HIBCH: variants seen among roughly 807,000 people sequenced by gnomAD.
HIBCH encodes the protein 3-hydroxyisobutyryl-CoA hydrolase, mitochondrial.
HIBCH carries 50 observed loss-of-function variants against 58.2 expected under a neutral mutation model. The ratio of observed to expected loss-of-function variants is 0.86; its 90% CI spans 0.68 to 1.09. The LOEUF is 1.09. HIBCH is among the 50% of genes least tolerant of loss of function. The probability of loss-of-function intolerance (pLI) is 0.00; values close to 1 mark genes in which losing one functional copy is unlikely to be tolerated. For missense variants in HIBCH, 450 were observed against 449.7 expected (o/e 1.00, Z -0.01); for synonymous variants, 151 against 146.9 (o/e 1.03, Z -0.20).
intron 5 of HIBCH, 45 bp downstream of exon 5, chr2:190,290,360 C>T (rs375936353): frequency 7.7e-7 from 1 of 1,302,250 alleles, no homozygotes; most frequent in African/African-American, 1.5e-5. Context: ...CTGTCCACCT[C>T]ATTTCTTTAT....
chr2:190,244,827 G>A (rs1238483684), intron 11 of HIBCH, 60 bp downstream of exon 11: 8 of 1,068,818 alleles, frequency 7.5e-6, no homozygotes, highest in Non-Finnish European at 1.2e-5. Flanking sequence ...CCCTTAGAGA[G>A]GCTTCCCTGT....
chr2:190,314,793 C>G (rs1688671797), intron 1 of HIBCH, among the ~76,000 whole-genome samples: 1 of 152,022 alleles, frequency 6.6e-6, no homozygotes. Context: ...CGTTCTAATT[C>G]AAATTCAGCT....
At chr2:190,240,344 T>C (rs1462677977) in intron 11 of HIBCH, among the ~76,000 whole-genome samples, 1 of 152,208 alleles carries the variant, frequency 6.6e-6, no homozygotes, top group Non-Finnish European at 1.5e-5. Flanking sequence ...TCGGTGGTGA[T>C]ATCCCCTTTA....
chr2:190,294,022 G>GTGTATGTATATA (rs755751586), intron 4 of HIBCH, among the ~76,000 whole-genome samples: 7 of 83,018 alleles, frequency 8.4e-5, no homozygotes, highest in Non-Finnish European at 1.3e-4. Context: ...TATTTTGTGT[G>GTGTATGTATATA]TATATATATA....
chr2:190,284,063 C>T (rs1687773952), intron 6 of HIBCH, among the ~76,000 whole-genome samples: 1 of 152,198 alleles, frequency 6.6e-6, no homozygotes, highest in Non-Finnish European at 1.5e-5. Flanking sequence ...GGCACTAAGA[C>T]TTAATCCTCT....
At chr2:190,201,597 T>TTGAAACCCACAATCAAATAGAGTGAATTC (rs1690245350), downstream of HIBCH, 1 of 167,028 alleles carries the variant, frequency 6.0e-6, no homozygotes, top group Admixed American at 6.6e-5. Context: ...CACTAATACT[T>TTGAAACCCACAATCAAATAGAGTGAATTC]TGAAACCCAC....
intron 6 of HIBCH, among the ~76,000 whole-genome samples, chr2:190,268,883 T>TA (rs759651838): frequency 6.6e-6 from 1 of 151,870 alleles, no homozygotes; most frequent in Non-Finnish European, 1.5e-5. Context: ...CCAAAAGAGG[T>TA]ATATAGACCA....
intron 6 of HIBCH, among the ~76,000 whole-genome samples, chr2:190,273,652 T>C (rs1480526255): frequency 1.3e-5 from 2 of 152,152 alleles, no homozygotes; most frequent in African/African-American, 4.8e-5. Context: ...TCCTGCTGTG[T>C]TACTGATATT....
In HIBCH at chr2:190,216,038, A is replaced by G. The variant is rs1328796532; in HGVS notation, c.892-2963T>C. The G allele has an allele frequency of 1.3e-5, 2 of 152,536 alleles. No homozygotes were observed. Among genetic ancestry groups the G allele is most frequent in the African/African-American group, 4.8e-5 (2 of 41,466 alleles). The allele number at this position is 152,536 out of a possible 1,614,324, so 9.4% of individuals were successfully genotyped here. ...AGAGAAATAAAAGAAGAAAATGAGC[A>G]AGAGAGAGACTGGAAAAGACAAAGA... is the stretch of plus-strand genomic sequence containing the variant. On this transcript the variant is annotated intron_variant, in intron 11 of 13. Transcript: ENST00000359678. The surrounding 1 kb of genome is among the most constrained non-coding windows in gnomAD (Gnocchi z 4.2).
At chr2:190,262,163 C>CCAAA (rs1346265904) in intron 6 of HIBCH, among the ~76,000 whole-genome samples, 2 of 91,948 alleles carry the variant, frequency 2.2e-5, no homozygotes, top group African/African-American at 7.8e-5. Flanking sequence ...GCGGTAGAGA[C>CCAAA]AAAAAAAAAA....
At chr2:190,288,739 G>T (rs1395342566) in intron 5 of HIBCH, among the ~76,000 whole-genome samples, 1 of 152,126 alleles carries the variant, frequency 6.6e-6, no homozygotes, top group Admixed American at 6.6e-5. Context: ...GAATTGGAAA[G>T]CTTAAAAAGC....
rs1690467045 is a variant in HIBCH at position 190,209,471 on chromosome 2, T to G, written c.1012-558A>C. Among the ~76,000 whole-genome samples the G allele has an allele frequency of 6.6e-6, 1 of 152,180 alleles. No homozygotes were observed. The highest frequency in any genetic ancestry group is 2.4e-5 in the African/African-American group (1 of 41,440). On this transcript the variant is annotated intron_variant, in intron 12 of 13. Transcript: ENST00000359678. The surrounding 1 kb of genome is among the most constrained non-coding windows in gnomAD (Gnocchi z 5.6). ...TTCCCAACTCCCCAAGATAATGATT[T>G]TAAGTGTTTTCTGCCTTCTCAACCT...
At chr2:190,198,733 T>C (rs1458144240) in intron 1 of HIBCH, among the ~76,000 whole-genome samples, 1 of 150,244 alleles carries the variant, frequency 6.7e-6, no homozygotes. Context: ...TCAGGGACCA[T>C]TAATCTCATT....
rs761003582 is a variant in HIBCH at position 190,205,179 on chromosome 2, C to A, written c.1099G>T (p.Val367Phe). 2.5e-6 allele frequency: 4 copies of A among 1,611,638 alleles called. No individual in the cohort carries two copies. The highest frequency in any genetic ancestry group is 3.4e-6 in the Non-Finnish European group (4 of 1,178,242). ...PKWKPADLKEVTEEDLNNHFK... is the reference protein window; with the variant it reads ...PKWKPADLKEFTEEDLNNHFK... ...TGATTATTCAAATCTTCCTCAGTAA[C>A]TTCTTTTAGATCAGCTGGTTTCCAT... The change falls in exon 14 of 14, where the codon GTT (valine) becomes TTT (phenylalanine). Residue 367 changes from valine to phenylalanine, a missense_variant. By Grantham distance (50) the Val-to-Phe change is conservative. Coordinates refer to ENST00000359678, the MANE Select transcript of HIBCH (RefSeq NM_014362.4).
rs900209278 is a variant in HIBCH, at chr2:190,217,039, G to A, written c.892-3964C>T. 6.6e-6 allele frequency among the ~76,000 whole-genome samples: 1 copy of A among 152,206 alleles called. No individual in the cohort carries two copies. On this transcript the variant is annotated intron_variant, in intron 11 of 13. Coordinates refer to ENST00000359678, the MANE Select transcript of HIBCH (RefSeq NM_014362.4). This position sits in a 1 kb window ranked among gnomAD's most constrained non-coding sequence, Gnocchi z 4.6. ...TGGAGCCAGGGATGCTTTTGCTAAT[G>A]AAAGTGCCCCTCAGGAAAGGTGCCA...
At chr2:190,231,836 C>G (rs1396349702) in intron 11 of HIBCH, among the ~76,000 whole-genome samples, 2 of 152,036 alleles carry the variant, frequency 1.3e-5, no homozygotes, top group African/African-American at 4.8e-5. Flanking sequence ...AATCTGCAAA[C>G]CATAAATAAC....
intron 6 of HIBCH, among the ~76,000 whole-genome samples, chr2:190,278,484 G>A (rs549323042): frequency 1.1e-4 from 16 of 152,290 alleles, no homozygotes; most frequent in Non-Finnish European, 7.3e-5. Context: ...GATTACAGGC[G>A]TGAGCCGCCG....
At chr2:190,224,239 G>T (rs910019920) in intron 11 of HIBCH, among the ~76,000 whole-genome samples, 1 of 152,200 alleles carries the variant, frequency 6.6e-6, no homozygotes, top group African/African-American at 2.4e-5. Context: ...GCTTGAGTAC[G>T]TAAACAAAGC....
intron 3 of HIBCH, among the ~76,000 whole-genome samples, chr2:190,295,348 T>C (rs1445446080): frequency 1.3e-5 from 2 of 152,218 alleles, no homozygotes; most frequent in Admixed American, 6.5e-5. Flanking sequence ...ATATGAGATA[T>C]CCTGGGGATT....
Sources: gnomAD v4.1 joint callset for allele counts (sites outside exome capture counted in the v4.1 genomes callset) on GRCh38, gnomAD v4.1.1 for gene constraint, Gnocchi (gnomAD v3.1) non-coding constraint, MANE v1.5 for transcripts, NCBI Gene and HGNC (gene_info 2026-07-23, HGNC 2026-07-21) for gene names.